The following TMCC3 variants were observed in gnomAD, a reference collection of about 807,000 sequenced individuals.
The protein encoded by TMCC3 is transmembrane and coiled-coil domain protein 3.
A neutral mutation model predicts 40.2 loss-of-function variants in TMCC3; 28 were observed. The observed-to-expected ratio is 0.70, with a 90% CI of 0.52 to 0.95. TMCC3 has a LOEUF of 0.95. TMCC3 is among the 40% of genes least tolerant of loss of function. TMCC3 has a pLI of 0.00. For synonymous variants in TMCC3, 255 were observed against 248.5 expected (o/e 1.03, Z -0.25); for missense variants, 554 against 615.2 (o/e 0.90, Z 1.05).
chr12:94,643,733 C>T (rs1366632581), intron 1 of TMCC3, among the ~76,000 whole-genome samples: 1 of 152,236 alleles, frequency 6.6e-6, no homozygotes, highest in East Asian at 1.9e-4. Context: ...CCAGCAGATG[C>T]TGTACACATC....
rs2068516904 is a variant in TMCC3 at position 94,569,944 on chromosome 12, TTTG to T, written c.*1488_*1490del. 1.3e-5 allele frequency: 2 copies of T among 152,170 alleles called. No homozygotes were observed. Among genetic ancestry groups the T allele is most frequent in the African/African-American group, 4.8e-5 (2 of 41,424 alleles). The allele number at this position is 152,170 out of a possible 1,614,324, so 9.4% of individuals were successfully genotyped here. On this transcript the variant is annotated 3_prime_UTR_variant, in exon 4 of 4. Transcript: ENST00000261226. Reference sequence around the variant, plus strand: ...CATGAACATTGTTTCCATCTTCCTCTTTGTTATACACACAGAGACACAGATTTA... The same window carrying T: ...CATGAACATTGTTTCCATCTTCCTCTTTATACACACAGAGACACAGATTTA...
At chr12:94,607,313 T>C (rs180843670) in intron 1 of TMCC3, among the ~76,000 whole-genome samples, 2 of 152,260 alleles carry the variant, frequency 1.3e-5, no homozygotes, top group South Asian at 2.1e-4. Context: ...TATTGTACAA[T>C]AGTGGTCCTG....
intron 1 of TMCC3, among the ~76,000 whole-genome samples, chr12:94,640,713 A>G (rs1360627999): frequency 6.6e-6 from 1 of 152,208 alleles, no homozygotes; most frequent in African/African-American, 2.4e-5. Flanking sequence ...TCAGAACAAC[A>G]AATGTTGTAA....
At position 94,570,548 on chromosome 12, in the gene TMCC3, G is replaced by A. The variant is rs192916751; in HGVS notation, c.*887C>T. On this transcript the variant is annotated 3_prime_UTR_variant, in exon 4 of 4. Transcript: ENST00000261226. ...GAGGTGGGAGGATCCCTTGAAGCAA[G>A]GAGTTTGCAACCAGCCTGAGCAATA... The A allele has an allele frequency of 6.6e-6, 1 of 152,328 alleles. No individual in the cohort carries two copies. The highest frequency in any genetic ancestry group is 2.4e-5 in the African/African-American group (1 of 41,570). The allele number at this position is 152,328 out of a possible 1,614,324, so 9.4% of individuals were successfully genotyped here.
At chr12:94,642,209 A>T (rs1438240307) in intron 1 of TMCC3, among the ~76,000 whole-genome samples, 1 of 152,206 alleles carries the variant, frequency 6.6e-6, no homozygotes, top group Non-Finnish European at 1.5e-5. Context: ...AAGACAGAAG[A>T]TGGTATAATG....
intron 1 of TMCC3, among the ~76,000 whole-genome samples, chr12:94,639,840 G>A (rs1261803918): frequency 6.6e-6 from 1 of 150,736 alleles, no homozygotes; most frequent in Admixed American, 6.6e-5. Context: ...CTGAAATTTG[G>A]ATCTGGGTTC....
chr12:94,598,982 G>A (rs1170896344), intron 1 of TMCC3, among the ~76,000 whole-genome samples: 1 of 152,126 alleles, frequency 6.6e-6, no homozygotes, highest in African/African-American at 2.4e-5. Context: ...AGACCTCATG[G>A]GAAAGCTCTG....
At chr12:94,603,348 C>T (rs1202495001) in intron 1 of TMCC3, among the ~76,000 whole-genome samples, 6 of 152,064 alleles carry the variant, frequency 3.9e-5, no homozygotes, top group Non-Finnish European at 7.4e-5. Flanking sequence ...AACTCCTGGC[C>T]TCATGTGATC....
chr12:94,643,554 C>T (rs918601746), intron 1 of TMCC3, among the ~76,000 whole-genome samples: 3 of 152,174 alleles, frequency 2.0e-5, no homozygotes, highest in African/African-American at 7.2e-5. Flanking sequence ...TATTTGACAG[C>T]CTTTAAGACT....
intron 1 of TMCC3, among the ~76,000 whole-genome samples, chr12:94,594,915 C>G (rs980978749): frequency 1.2e-4 from 18 of 152,202 alleles, no homozygotes; most frequent in African/African-American, 4.3e-4. Context: ...GCATCTCCAG[C>G]CTGAACGAAC....
chr12:94,572,957 C>T (rs1460742024), intron 3 of TMCC3, among the ~76,000 whole-genome samples: 2 of 152,188 alleles, frequency 1.3e-5, no homozygotes, highest in East Asian at 3.8e-4. Context: ...TACTAAGACA[C>T]AGATGGCTAC....
In TMCC3 at chr12:94,612,847, C is replaced by T. The variant is rs577554602; in HGVS notation, c.79-30309G>A. Among the ~76,000 whole-genome samples the T allele has an allele frequency of 2.6e-5, 4 of 152,232 alleles. No individual in the cohort carries two copies. The East Asian group carries it at 7.7e-4, about 29-fold the overall frequency. ...GTTTGATTTTAACTGATTCTTAAAA[C>T]ATTAAAAACTGTTTGGCATTTGAGC... On this transcript the variant is annotated intron_variant, in intron 1 of 3. Coordinates refer to ENST00000261226, the MANE Select transcript of TMCC3 (RefSeq NM_020698.4).
chr12:94,601,063 A>T (rs1273611524), intron 1 of TMCC3, among the ~76,000 whole-genome samples: 5 of 151,624 alleles, frequency 3.3e-5, no homozygotes, highest in African/African-American at 1.2e-4. Flanking sequence ...ACCTAATTAA[A>T]ACAAAAGTTT....
chr12:94,648,746 T>G (rs2069035120), intron 1 of TMCC3, among the ~76,000 whole-genome samples: 1 of 152,194 alleles, frequency 6.6e-6, no homozygotes, highest in South Asian at 2.1e-4. Context: ...TTGCATGAGT[T>G]TTGCCAAACC....
intron 1 of TMCC3, among the ~76,000 whole-genome samples, chr12:94,594,230 C>CAG (rs763774116): frequency 0.34 from 49,949 of 146,756 alleles, 8,778 homozygotes; most frequent in Admixed American, 0.42. Flanking sequence ...CACACACACA[C>CAG]ACAGAGTGAG....
At chr12:94,582,600 G>A in intron 1 of TMCC3, 62 bp from the exon 2 acceptor site, 1 of 1,429,576 alleles carries the variant, frequency 7.0e-7, no homozygotes, top group South Asian at 1.4e-5. Flanking sequence ...TACTGTGACA[G>A]AATCTATGCA....
chr12:94,621,260 G>C (rs2068874389), intron 1 of TMCC3, among the ~76,000 whole-genome samples: 1 of 152,172 alleles, frequency 6.6e-6, no homozygotes, highest in Non-Finnish European at 1.5e-5. Context: ...TAACACTGCG[G>C]GTAAGCAAAC....
chr12:94,589,217 A>G (rs1163284163), intron 1 of TMCC3, among the ~76,000 whole-genome samples: 1 of 152,046 alleles, frequency 6.6e-6, no homozygotes, highest in Non-Finnish European at 1.5e-5. Context: ...ATTCCAATGT[A>G]GCTCAGGGAC....
rs767079652 is a variant in TMCC3, at chr12:94,571,453, C to A, written c.1416G>T (p.Arg472Ser). 7.4e-6 allele frequency: 12 copies of A among 1,612,874 alleles called. No individual in the cohort carries two copies. The highest frequency in any genetic ancestry group is 1.0e-5 in the Non-Finnish European group (12 of 1,178,858). The change falls in exon 4 of 4, where the codon AGG becomes AGT. Residue 472 changes from arginine to serine, a missense_variant. By Grantham distance (110) the Arg-to-Ser change is moderately radical (BLOSUM62 -1). Coordinates refer to ENST00000261226, the MANE Select transcript of TMCC3 (RefSeq NM_020698.4). ...AGTGGCTTCATCTTGGTATTATCATCCTTTCTATGGCACACAGGATATGGT... is the reference window on the plus strand; with the variant it reads ...AGTGGCTTCATCTTGGTATTATCATACTTTCTATGGCACACAGGATATGGT... ...NWDHILCAIERMIIPR is the reference protein window; with the variant it reads ...NWDHILCAIESMIIPR
Sources: gnomAD v4.1 joint callset for allele counts (sites outside exome capture counted in the v4.1 genomes callset) on GRCh38, gnomAD v4.1.1 for gene constraint, MANE v1.5 for transcripts, NCBI Gene and HGNC (gene_info 2026-07-23, HGNC 2026-07-21) for gene names.